TMBIM6: variants seen among roughly 807,000 people sequenced by gnomAD.
TMBIM6 encodes the protein transmembrane BAX inhibitor motif containing 6.
Under a neutral mutation model 31.4 loss-of-function variants are expected in TMBIM6, and 13 were observed. The observed-to-expected ratio is 0.41, with a 90% CI of 0.27 to 0.66. The LOEUF (loss-of-function observed/expected upper bound fraction) is 0.66, where lower values mean the gene tolerates loss of function less well. Ranked by LOEUF, TMBIM6 falls within the 30% of genes least tolerant of loss-of-function variation. The pLI is 0.28. For missense variants in TMBIM6, 275 were observed against 289.5 expected (o/e 0.95, Z 0.36); for synonymous variants, 85 against 101.7 (o/e 0.84, Z 0.99).
intron 7 of TMBIM6, 36 bp from the exon 8 acceptor site, chr12:49,759,185 C>T: frequency 6.4e-7 from 1 of 1,567,530 alleles, no homozygotes; most frequent in Admixed American, 1.7e-5. Context: ...TCTGCAACTT[C>T]TGCTGTATAG....
chr12:49,743,896 T>G (rs1268331807), intron 1 of TMBIM6, among the ~76,000 whole-genome samples: 1 of 152,238 alleles, frequency 6.6e-6, no homozygotes, highest in Non-Finnish European at 1.5e-5. Context: ...GTTTTAGTAC[T>G]TTACGTTGAT....
chr12:49,742,392 T>C, intron 1 of TMBIM6: 2 of 1,370,500 alleles, frequency 1.5e-6, no homozygotes, highest in Non-Finnish European at 9.8e-7. Context: ...GCTGGACCTG[T>C]GGTAACAAGT....
chr12:49,742,147 C>G, intron 1 of TMBIM6: 1 of 1,612,062 alleles, frequency 6.2e-7, no homozygotes, highest in Non-Finnish European at 8.5e-7. Context: ...ATGTCACACT[C>G]CTCTGTGACA....
intron 8 of TMBIM6, among the ~76,000 whole-genome samples, chr12:49,760,703 AT>A (rs748410844): frequency 6.6e-6 from 1 of 151,638 alleles, no homozygotes; most frequent in Non-Finnish European, 1.5e-5. Context: ...CGTCCAGCTA[AT>A]TTCTGTAATT....
At chr12:49,761,906 T>A in intron 9 of TMBIM6, 127 bp downstream of exon 9, 1 of 868,776 alleles carries the variant, frequency 1.2e-6, no homozygotes, top group Non-Finnish European at 1.7e-6. Flanking sequence ...GGCAGGCCAC[T>A]GAGTAAGAGG....
At chr12:49,741,977 G>C in intron 1 of TMBIM6, 1 of 1,128,346 alleles carries the variant, frequency 8.9e-7, no homozygotes, top group South Asian at 1.5e-5. Context: ...CCTTGGCCTA[G>C]CTTCGATCGT....
chr12:49,753,137 C>A, intron 3 of TMBIM6, 56 bp downstream of exon 3: 1 of 1,491,342 alleles, frequency 6.7e-7, no homozygotes, highest in South Asian at 1.2e-5. Context: ...AGGAAAAAAC[C>A]AGCTCAGCAA....
At chr12:49,758,353 C>T (rs747802307) in intron 5 of TMBIM6, 30 bp from the exon 6 acceptor site, 4 of 1,613,744 alleles carry the variant, frequency 2.5e-6, no homozygotes, top group Admixed American at 3.3e-5. Context: ...TACCTGTAGC[C>T]CTTAATCTAA....
In TMBIM6 at chr12:49,761,746, A is replaced by T. The variant is rs1454567580; in HGVS notation, c.657A>T (p.Arg219Ser). 1 of 1,614,274 alleles carries T rather than the reference A, an allele frequency of 6.2e-7. No homozygotes were observed. Among genetic ancestry groups the T allele is most frequent in the Non-Finnish European group, 8.5e-7 (1 of 1,180,050 alleles). Residue 219 changes from arginine to serine, a missense_variant, in exon 9 of 10, where the codon AGA (arginine) becomes AGT (serine). Coordinates refer to ENST00000267115, the MANE Select transcript of TMBIM6 (RefSeq NM_003217.3). ...TCTTAGATTTCATTACTGTCTTCAGAAAACTCATGATGATCCTGGCCATGA... is the reference window on the plus strand; with the variant it reads ...TCTTAGATTTCATTACTGTCTTCAGTAAACTCATGATGATCCTGGCCATGA... Reference protein sequence around the residue: ...DLFLDFITVFRKLMMILAMNE... With the variant: ...DLFLDFITVFSKLMMILAMNE...
At chr12:49,762,005 A>C in intron 9 of TMBIM6, 1 of 492,642 alleles carries the variant, frequency 2.0e-6, no homozygotes. Flanking sequence ...ATGAAAGGGA[A>C]AAAAGCTTCA....
At chr12:49,741,996 A>G in intron 1 of TMBIM6, 3 of 1,272,354 alleles carry the variant, frequency 2.4e-6, no homozygotes, top group South Asian at 1.4e-5. Flanking sequence ...GTTCGAATTC[A>G]GAGCACGTCC....
intron 9 of TMBIM6, 128 bp from the exon 10 acceptor site, chr12:49,762,745 G>A (rs1945743784): frequency 1.1e-6 from 1 of 900,072 alleles, no homozygotes; most frequent in South Asian, 1.6e-5. Context: ...GCTGAGCTAA[G>A]GAAGCATTTC....
At chr12:49,752,403 T>TTA in intron 1 of TMBIM6, 61 bp from the exon 2 acceptor site, 1 of 1,233,302 alleles carries the variant, frequency 8.1e-7, no homozygotes, top group Non-Finnish European at 1.1e-6. Flanking sequence ...TTTTTTTTTT[T>TTA]TATAAGCTGT....
chr12:49,753,624 C>T (rs1190027130), intron 3 of TMBIM6, among the ~76,000 whole-genome samples: 1 of 152,134 alleles, frequency 6.6e-6, no homozygotes, highest in East Asian at 1.9e-4. Context: ...TTTGAAGACT[C>T]CCTAACATAG....
At chr12:49,752,616 C>T (rs1945516187) in intron 2 of TMBIM6, 67 bp downstream of exon 2, 7 of 1,339,588 alleles carry the variant, frequency 5.2e-6, no homozygotes, top group South Asian at 1.2e-5. Context: ...CCCTTTTCTG[C>T]ATTTATAACT....
intron 7 of TMBIM6, chr12:49,759,003 G>A (rs187596698): frequency 1.6e-6 from 1 of 627,268 alleles, no homozygotes; most frequent in Admixed American, 2.9e-5. Context: ...GGCAGTGGCT[G>A]ATTGTTAAAA....
chr12:49,754,432 CTG>C (rs1475306259), intron 3 of TMBIM6, among the ~76,000 whole-genome samples: 1 of 152,192 alleles, frequency 6.6e-6, no homozygotes, highest in Non-Finnish European at 1.5e-5. Flanking sequence ...GCTGTTGTAA[CTG>C]TGAGTTCAAT....
intron 4 of TMBIM6, among the ~76,000 whole-genome samples, chr12:49,757,312 T>C (rs1166020208): frequency 6.6e-6 from 1 of 152,218 alleles, no homozygotes; most frequent in African/African-American, 2.4e-5. Flanking sequence ...AGAGCTTAGG[T>C]AGCATAACCT....
At chr12:49,747,084 C>T (rs1424241148) in intron 1 of TMBIM6, among the ~76,000 whole-genome samples, 1 of 151,992 alleles carries the variant, frequency 6.6e-6, no homozygotes, top group Admixed American at 6.5e-5. Context: ...GTGATCCACC[C>T]ACTTAGGCAT....
Sources: gnomAD v4.1 joint callset for allele counts (sites outside exome capture counted in the v4.1 genomes callset) on GRCh38, gnomAD v4.1.1 for gene constraint, MANE v1.5 for transcripts, NCBI Gene and HGNC (gene_info 2026-07-23, HGNC 2026-07-21) for gene names.